The following PLA2G6 variants were observed in gnomAD, a reference collection of about 807,000 sequenced individuals.
PLA2G6 encodes the protein phospholipase A2 group VI.
In PLA2G6, 62 loss-of-function variants were observed where a neutral mutation model predicts 83.8. That is an observed-to-expected ratio of 0.74 (90% CI 0.60 to 0.91). The LOEUF is 0.91. PLA2G6 is among the 40% of genes least tolerant of loss of function. The pLI, the probability that PLA2G6 is intolerant of heterozygous loss-of-function variation, is 0.00. For missense variants in PLA2G6, 944 were observed against 1,102.0 expected, an observed-to-expected ratio of 0.86 and a Z score of 2.03; for synonymous variants, 417 against 449.8, an observed-to-expected ratio of 0.93 and a Z score of 0.92.
rs375402763 is a variant in PLA2G6, at chr22:38,167,182, C to T, written c.209+2036G>A. Among the ~76,000 whole-genome samples the T allele has an allele frequency of 5.4e-5, 8 of 146,800 alleles. No individual in the cohort carries two copies. The East Asian group carries it at 6.0e-4, about 11-fold the overall frequency. On this transcript the variant is annotated intron_variant, in intron 2 of 16. Coordinates refer to ENST00000332509, the MANE Select transcript of PLA2G6 (RefSeq NM_003560.4). ...GGCGGAGCTTGCAGTAAGCCGAGAT[C>T]GCGTCACTGTACTCCAGCCTGGGTG...
rs1449161379 is a variant in PLA2G6 at position 38,140,043 on chromosome 22, A to G, written c.736T>C (p.Cys246Arg). 3 of 1,613,296 alleles carry G rather than the reference A, an allele frequency of 1.9e-6. No individual in the cohort carries two copies. The highest frequency in any genetic ancestry group is 2.5e-6 in the Non-Finnish European group (3 of 1,179,696). The change falls in exon 5 of 17, where the codon TGC (cysteine) becomes CGC (arginine). Residue 246 changes from cysteine to arginine, a missense_variant. Transcript: ENST00000332509. ...TAGCCGTTGGGGCCCATGATGTTGC[A>G]CCGAGCATTGCACAGCAGCAGCACG... ...VRVLLLCNAR[C>R]NIMGPNGYPI...
chr22:38,112,720 C>T (rs981407110), intron 15 of PLA2G6, 143 bp from the exon 16 acceptor site: 60 of 720,240 alleles, frequency 8.3e-5, no homozygotes, highest in Non-Finnish European at 1.2e-4. Context: ...AGCAGCAGAG[C>T]GGCTCGGGCA....
intron 1 of PLA2G6, among the ~76,000 whole-genome samples, chr22:38,175,577 TTTC>T (rs1288610890): frequency 6.6e-6 from 1 of 152,210 alleles, no homozygotes; most frequent in Non-Finnish European, 1.5e-5. Flanking sequence ...TCCTCCCCAC[TTTC>T]TTAACCTGAA....
At chr22:38,115,831 A>G (rs1602067385) in intron 13 of PLA2G6, 150 bp from the exon 14 acceptor site, 7 of 1,475,850 alleles carry the variant, frequency 4.7e-6, no homozygotes, top group East Asian at 2.5e-5. Context: ...ACGAAGCCAC[A>G]CTCTCTGGCT....
rs11570605 is a variant in PLA2G6, at chr22:38,169,255, C to A, written c.172G>T (p.Val58Phe). 1 of 1,614,130 alleles carries A rather than the reference C, an allele frequency of 6.2e-7. No individual in the cohort carries two copies. Residue 58 changes from valine (V) to phenylalanine (F), a missense_variant, in exon 2 of 17, where the codon GTC (valine) becomes TTC (phenylalanine). Physicochemically the swap from Val to Phe is conservative, Grantham distance 50. Coordinates refer to ENST00000332509, the MANE Select transcript of PLA2G6 (RefSeq NM_003560.4). Reference protein sequence around the residue: ...QNTPNRTWDCVLVNPRNSQSG... With the variant: ...QNTPNRTWDCFLVNPRNSQSG... ...TGTGAGTTCCTGGGGTTGACCAGGACGCAGTCCCAGGTGCGGTTGGGAGTG... is the reference window on the plus strand; with the variant it reads ...TGTGAGTTCCTGGGGTTGACCAGGAAGCAGTCCCAGGTGCGGTTGGGAGTG...
At chr22:38,147,538 CT>C (rs35795447) in intron 2 of PLA2G6, 8,840 of 125,050 alleles carry the variant, frequency 0.071, 196 homozygotes, top group East Asian at 0.19. Flanking sequence ...CTCCTGAAGC[CT>C]TTTTTTTTTT....
chr22:38,141,177 G>T (rs540514224), intron 4 of PLA2G6: 6 of 151,632 alleles, frequency 4.0e-5, no homozygotes, highest in Admixed American at 4.0e-4. Flanking sequence ...CTGGGCGACA[G>T]AGCAAGACTC....
At chr22:38,129,208 T>TG (rs1241824442) in intron 8 of PLA2G6, among the ~76,000 whole-genome samples, 2 of 152,114 alleles carry the variant, frequency 1.3e-5, no homozygotes, top group Non-Finnish European at 2.9e-5. Context: ...CTCCCTGAGG[T>TG]GGGGGGCGCT....
rs189306001 is a variant in PLA2G6, at chr22:38,157,777, T to C, written c.209+11441A>G. Among the ~76,000 whole-genome samples, 1,462 of 152,286 alleles carry C rather than the reference T, an allele frequency of 9.6e-3. 16 individuals carry two copies. Among genetic ancestry groups the C allele is most frequent in the Non-Finnish European group, 0.014 (923 of 68,012 alleles). On this transcript the variant is annotated intron_variant, in intron 2 of 16. Transcript: ENST00000332509. ...ACGGCCAGGCGCAGTGGCTCACACCTGTAATCCCGGCACTTTGGGAGGCAG... is the reference window on the plus strand; with the variant it reads ...ACGGCCAGGCGCAGTGGCTCACACCCGTAATCCCGGCACTTTGGGAGGCAG...
In PLA2G6 at chr22:38,129,524, G is replaced by A. The variant is rs538112875; in HGVS notation, c.1116C>T (p.Phe372=). 74 of 1,614,028 alleles carry A rather than the reference G, an allele frequency of 4.6e-5. No individual in the cohort carries two copies. In the Admixed American group the frequency reaches 9.3e-4, roughly 20 times the overall value. Residue 372 remains phenylalanine, a synonymous_variant, in exon 8 of 17, where the codon TTC becomes TTT. Transcript: ENST00000332509. ...NVEMIKALIV[F]GAEVDTPNDF... ...CATTCGGGGTGTCCACTTCTGCTCC[G>A]AACACGATGAGGGCCTTGATCATCT... is the stretch of plus-strand genomic sequence containing the variant.
intron 1 of PLA2G6, among the ~76,000 whole-genome samples, chr22:38,176,002 C>T (rs776841402): frequency 6.6e-5 from 10 of 152,144 alleles, no homozygotes; most frequent in Non-Finnish European, 1.2e-4. Context: ...ACACTGTTCC[C>T]ACCCACTCTG....
Position 38,128,345 on chromosome 22 carries a change from C to T in PLA2G6, c.1272G>A (p.Glu424=). ...GATGATGTGGCGCTGCAGAGCCCTG[C>T]TCCGCGGGGACCCCGTGGATGGGTG... is the stretch of plus-strand genomic sequence containing the variant. ...CFPPIHGVPA[E]QGSAAPHHPF... Residue 424 remains glutamate, a synonymous_variant, in exon 9 of 17, where the codon GAG becomes GAA. Transcript: ENST00000332509. This position sits in a 1 kb window ranked among gnomAD's most constrained non-coding sequence, Gnocchi z 4.4. The T allele has an allele frequency of 6.2e-7, 1 of 1,613,684 alleles. No homozygotes were observed. The highest frequency in any genetic ancestry group is 8.5e-7 in the Non-Finnish European group (1 of 1,179,970).
At position 38,128,291 on chromosome 22, in the gene PLA2G6, T is replaced by TG. The variant is rs1440909004; in HGVS notation, c.1325dup (p.Pro443ThrfsTer71). 6.2e-7 allele frequency: 1 copy of TG among 1,612,434 alleles called. No homozygotes were observed. The highest frequency in any genetic ancestry group is 2.2e-5 in the East Asian group (1 of 44,886). On this transcript the variant is annotated frameshift_variant, in exon 9 of 17. Transcript: ENST00000332509. LOFTEE classifies it high-confidence loss of function. This position sits in a 1 kb window ranked among gnomAD's most constrained non-coding sequence, Gnocchi z 4.4. ...TACCTAGGTTGTTTAGGCTGATCGG[T>TG]GGGGGCTGAGCTCTTTCCAGGGAGA...
At position 38,116,213 on chromosome 22, in the gene PLA2G6, T is replaced by C. The variant is rs2087184707; in HGVS notation, c.1743-2A>G. 10 of 1,613,966 alleles carry C rather than the reference T, an allele frequency of 6.2e-6. No individual in the cohort carries two copies. The highest frequency in any genetic ancestry group is 8.5e-6 in the Non-Finnish European group (10 of 1,179,994). The stretch of plus-strand genomic sequence containing the variant: ...GACAGTGTCCCTGTCAGCATCACCC[T>C]GGAGAGAAATGAGGCAGGAGGACGG... On this transcript the variant is annotated splice_acceptor_variant, in intron 12 of 16. Coordinates refer to ENST00000332509, the MANE Select transcript of PLA2G6 (RefSeq NM_003560.4). LOFTEE classifies it high-confidence loss of function.
At chr22:38,158,170 C>CTT (rs558539609) in intron 2 of PLA2G6, among the ~76,000 whole-genome samples, 11 of 136,474 alleles carry the variant, frequency 8.1e-5, no homozygotes, top group South Asian at 2.3e-4. Flanking sequence ...TTTTTCTTTT[C>CTT]TTTTTTTTTT....
At chr22:38,141,708 G>C (rs1238446109) in intron 4 of PLA2G6, 1 of 152,180 alleles carries the variant, frequency 6.6e-6, no homozygotes, top group African/African-American at 2.4e-5. Context: ...TTCAAGGTCA[G>C]GCACCAATCA....
chr22:38,160,257 G>A (rs1018572373), intron 2 of PLA2G6, among the ~76,000 whole-genome samples: 4 of 152,040 alleles, frequency 2.6e-5, no homozygotes, highest in Admixed American at 2.0e-4. Flanking sequence ...AAGATATGAA[G>A]TAACAGAAAG....
intron 3 of PLA2G6, chr22:38,144,180 G>C (rs1349376088): frequency 6.6e-6 from 1 of 152,570 alleles, no homozygotes; most frequent in East Asian, 1.9e-4. Context: ...GCCCTCACCA[G>C]GGGCAACAGC....
At chr22:38,145,791 AC>A in intron 2 of PLA2G6, 138 bp from the exon 3 acceptor site, 1 of 488,252 alleles carries the variant, frequency 2.0e-6, no homozygotes, top group Non-Finnish European at 3.7e-6. Context: ...GCAAACACAC[AC>A]ACACACACAC....
Sources: gnomAD v4.1 joint callset for allele counts (sites outside exome capture counted in the v4.1 genomes callset) on GRCh38, gnomAD v4.1.1 for gene constraint, Gnocchi (gnomAD v3.1) non-coding constraint, MANE v1.5 for transcripts, NCBI Gene and HGNC (gene_info 2026-07-23, HGNC 2026-07-21) for gene names.